TNFRSF10D: variants seen among roughly 807,000 people sequenced by gnomAD.
TNFRSF10D encodes TNF receptor superfamily member 10d.
In TNFRSF10D, 28 loss-of-function variants were observed where a neutral mutation model predicts 42.1. The ratio of observed to expected loss-of-function variants is 0.66; its 90% CI spans 0.49 to 0.91. The LOEUF (loss-of-function observed/expected upper bound fraction) is 0.91. Among genes scored for constraint, TNFRSF10D ranks in the 40% least tolerant of loss-of-function variants. The pLI is 0.00. For missense variants in TNFRSF10D, 503 were observed against 486.1 expected, an observed-to-expected ratio of 1.03 and a Z score of -0.33; for synonymous variants, 186 against 189.4, an observed-to-expected ratio of 0.98 and a Z score of 0.15.
intron 2 of TNFRSF10D, among the ~76,000 whole-genome samples, chr8:23,149,034 CA>C (rs764423058): frequency 1.3e-5 from 2 of 150,672 alleles, no homozygotes; most frequent in Non-Finnish European, 3.0e-5. Context: ...ACTAAAAATA[CA>C]AAAAATTAGC....
In TNFRSF10D at chr8:23,137,641, A is replaced by C. The variant is rs879252653; in HGVS notation, c.*229T>G. On this transcript the variant is annotated 3_prime_UTR_variant, in exon 9 of 9. Coordinates refer to ENST00000312584, the MANE Select transcript of TNFRSF10D (RefSeq NM_003840.5). ...TTAATACACAATCGTATAACTATGCAGCCAAGAATCTGATATAAATTTCTC... is the reference window on the plus strand; with the variant it reads ...TTAATACACAATCGTATAACTATGCCGCCAAGAATCTGATATAAATTTCTC... The C allele has an allele frequency of 3.0e-3, 1,511 of 509,114 alleles. No homozygotes were observed. The highest frequency in any genetic ancestry group is 0.019 in the African/African-American group (975 of 52,008). The allele number at this position is 509,114 out of a possible 1,614,324, so 31.5% of individuals were successfully genotyped here.
intron 7 of TNFRSF10D, among the ~76,000 whole-genome samples, chr8:23,142,758 GA>G (rs145528838): frequency 3.2e-3 from 482 of 152,056 alleles, no homozygotes; most frequent in African/African-American, 0.011. Flanking sequence ...AATAAAAAAT[GA>G]AAAAAAGTTT....
intron 3 of TNFRSF10D, among the ~76,000 whole-genome samples, chr8:23,147,909 A>G (rs1800146656): frequency 6.6e-6 from 1 of 151,472 alleles, no homozygotes; most frequent in Non-Finnish European, 1.5e-5. Flanking sequence ...AAAAATACAA[A>G]AAAAAATTAG....
rs1800415996 is a variant in TNFRSF10D, at chr8:23,164,009, A to G, written c.-74T>C. On this transcript the variant is annotated 5_prime_UTR_variant, in exon 1 of 9. Coordinates refer to ENST00000312584, the MANE Select transcript of TNFRSF10D (RefSeq NM_003840.5). ...GTCCCCGTAGTTTGTGCGCGTGCAA[A>G]GGTTCTCGCAGCTACACTGCCAGAA... The G allele has an allele frequency of 9.6e-6, 14 of 1,458,774 alleles. No individual in the cohort carries two copies. The South Asian group carries it at 2.0e-4, about 21-fold the overall frequency. The allele number at this position is 1,458,774 out of a possible 1,614,324, so 90.4% of individuals were successfully genotyped here. A position where few individuals can be genotyped will look rare whatever the true frequency, so the allele number is the denominator to read the frequency against.
At chr8:23,158,544 G>C (rs1800312493) in intron 1 of TNFRSF10D, among the ~76,000 whole-genome samples, 1 of 152,198 alleles carries the variant, frequency 6.6e-6, no homozygotes, top group African/African-American at 2.4e-5. Context: ...GTAGTGCTCA[G>C]TGGATTTACA....
At chr8:23,141,844 AG>A (rs1193959268) in intron 7 of TNFRSF10D, among the ~76,000 whole-genome samples, 1 of 152,260 alleles carries the variant, frequency 6.6e-6, no homozygotes, top group African/African-American at 2.4e-5. Flanking sequence ...ATGAAGAAAA[AG>A]GATCATTTAT....
chr8:23,137,716 T>A lies in TNFRSF10D; in HGVS notation c.*154A>T. ...TTCATAAAAATTACTCCAAGTGCGTTAACAAAGTTCTAGGACCATTGGTAA... is the reference window on the plus strand; with the variant it reads ...TTCATAAAAATTACTCCAAGTGCGTAAACAAAGTTCTAGGACCATTGGTAA... On this transcript the variant is annotated 3_prime_UTR_variant, in exon 9 of 9. Transcript: ENST00000312584. 1 of 982,322 alleles carries A rather than the reference T, an allele frequency of 1.0e-6. No individual in the cohort carries two copies. Among genetic ancestry groups the A allele is most frequent in the Non-Finnish European group, 1.5e-6 (1 of 686,910 alleles). 60.9% of individuals were successfully genotyped at this position (982,322 alleles called of 1,614,324 possible).
In TNFRSF10D at chr8:23,163,965, CAAAA is replaced by C; in HGVS notation, c.-34_-31del. 1 of 1,529,954 alleles carries C rather than the reference CAAAA, an allele frequency of 6.5e-7. No homozygotes were observed. The highest frequency in any genetic ancestry group is 8.8e-7 in the Non-Finnish European group (1 of 1,142,638). The allele number at this position is 1,529,954 out of a possible 1,614,324, so 94.8% of individuals were successfully genotyped here. A position where few individuals can be genotyped will look rare whatever the true frequency, so the allele number is the denominator to read the frequency against. ...AGGGAGGAGGGTGGATCGAAAGCGC[CAAAA>C]ATCAATCAGAAATCGTCCCCGTAGT... is the stretch of plus-strand genomic sequence containing the variant. On this transcript the variant is annotated 5_prime_UTR_variant, in exon 1 of 9. In the 5' UTR this introduces an upstream ATG that the reference lacks. Transcript: ENST00000312584.
chr8:23,163,786 C>T lies in TNFRSF10D; in HGVS notation c.150G>A (p.Pro50=), dbSNP rs749470179. 15 of 1,608,562 alleles carry T rather than the reference C, an allele frequency of 9.3e-6. No individual in the cohort carries two copies. In the Admixed American group the frequency reaches 1.4e-4, roughly 14 times the overall value. Residue 50 remains proline, a splice_region_variant and synonymous_variant, in exon 1 of 9, where the codon CCG becomes CCA. Transcript: ENST00000312584. ...GCCAGGGACCGCGGCGGAGACTCAC[C>T]GGCAGCAGAACCGCGACGATGAAGA... is the stretch of plus-strand genomic sequence containing the variant. ...FVVFIVAVLL[P]VRVDSATIPR...
Position 23,148,692 on chromosome 8 carries a change from T to C in TNFRSF10D, c.257-141A>G, listed in dbSNP as rs964223100. On this transcript the variant is annotated intron_variant, in intron 2 of 8. Transcript: ENST00000312584. The stretch of plus-strand genomic sequence containing the variant: ...TTCTTGGCTTGGTCTTGTCATCAAT[T>C]CTGCATCTATTACACTATTACATAC... The C allele has an allele frequency of 8.8e-6, 5 of 566,668 alleles. No homozygotes were observed. In the South Asian group the frequency reaches 1.0e-4, roughly 11 times the overall value. The allele number at this position is 566,668 out of a possible 1,614,324, so 35.1% of individuals were successfully genotyped here. A position where few individuals can be genotyped will look rare whatever the true frequency, so the allele number is the denominator to read the frequency against.
In TNFRSF10D at chr8:23,145,106, C is replaced by T. The variant is rs1244267172; in HGVS notation, c.737-17G>A. 3 of 1,614,050 alleles carry T rather than the reference C, an allele frequency of 1.9e-6. No individual in the cohort carries two copies. Among genetic ancestry groups the T allele is most frequent in the East Asian group, 2.2e-5 (1 of 44,882 alleles). On this transcript the variant is annotated splice_polypyrimidine_tract_variant and intron_variant, in intron 5 of 8. Transcript: ENST00000312584. Reference sequence around the variant, plus strand: ...CTCCACCACCTGGAAAAGAAGCAGTCTCCTGAGCAGGCGGGGAGGGGCCCA... The same window carrying T: ...CTCCACCACCTGGAAAAGAAGCAGTTTCCTGAGCAGGCGGGGAGGGGCCCA...
chr8:23,144,622 C>A lies in TNFRSF10D; in HGVS notation c.782G>T (p.Arg261Leu). Residue 261 changes from arginine to leucine, a missense_variant, in exon 7 of 9, where the codon CGG (arginine) becomes CTG (leucine). Arg to Leu is a moderately radical substitution (Grantham distance 102). Transcript: ENST00000312584. Reference sequence around the variant, plus strand: ...AGGAACTCGTGAAGGACATGAACGCCGCCGGAAAAGGACCTTGGGAAGACA... The same window carrying A: ...AGGAACTCGTGAAGGACATGAACGCAGCCGGAAAAGGACCTTGGGAAGACA... ...PERVHRVLFR[R>L]RSCPSRVPGA... The A allele has an allele frequency of 2.5e-6, 4 of 1,613,564 alleles. No individual in the cohort carries two copies. Among genetic ancestry groups the A allele is most frequent in the Non-Finnish European group, 3.4e-6 (4 of 1,179,684 alleles).
At position 23,144,386 on chromosome 8, in the gene TNFRSF10D, C is replaced by A. The variant is rs1039380943; in HGVS notation, c.954+64G>T. 3.2e-6 allele frequency: 5 copies of A among 1,544,260 alleles called. No individual in the cohort carries two copies. In the Admixed American group the frequency reaches 5.5e-5, roughly 17 times the overall value. ...AGGAAAGAGGAGGCACTGCCATGTC[C>A]CACTGTCTACAAAGTCCTGTGCAGG... On this transcript the variant is annotated intron_variant, in intron 7 of 8. Coordinates refer to ENST00000312584, the MANE Select transcript of TNFRSF10D (RefSeq NM_003840.5).
intron 2 of TNFRSF10D, among the ~76,000 whole-genome samples, chr8:23,150,425 G>C (rs868840729): frequency 2.6e-5 from 4 of 152,362 alleles, no homozygotes; most frequent in Middle Eastern, 3.4e-3. Flanking sequence ...GACAAAGCCA[G>C]TCTGTAAATA....
At chr8:23,161,442 G>A (rs1367136016) in intron 1 of TNFRSF10D, among the ~76,000 whole-genome samples, 1 of 152,256 alleles carries the variant, frequency 6.6e-6, no homozygotes, top group East Asian at 1.9e-4. Flanking sequence ...ACTGAGCTCA[G>A]CTCCAGGCTC....
In TNFRSF10D at chr8:23,163,834, G is replaced by A. The variant is rs1800411285; in HGVS notation, c.102C>T (p.Asp34=). 6.2e-7 allele frequency: 1 copy of A among 1,608,164 alleles called. No homozygotes were observed. The highest frequency in any genetic ancestry group is 1.1e-5 in the South Asian group (1 of 89,938). ...TASGTRPWLL[D]PKILKFVVFI... is the part of the protein sequence containing the mutation. ...AGACGACGAACTTAAGGATCTTGGG[G>A]TCCAGGAGCCATGGTCTGGTTCCCG... The change falls in exon 1 of 9, where the codon GAC becomes GAT. Residue 34 remains aspartate (D), a synonymous_variant. Transcript: ENST00000312584.
chr8:23,152,874 A>G (rs1800227909), intron 2 of TNFRSF10D, among the ~76,000 whole-genome samples: 1 of 152,230 alleles, frequency 6.6e-6, no homozygotes, highest in Admixed American at 6.5e-5. Flanking sequence ...ATAAATCTAA[A>G]ATGTGTATGG....
At chr8:23,160,503 G>A (rs543323603) in intron 1 of TNFRSF10D, among the ~76,000 whole-genome samples, 1 of 152,334 alleles carries the variant, frequency 6.6e-6, no homozygotes, top group South Asian at 2.1e-4. Context: ...GGACAAAAAT[G>A]CTGGAGACAT....
At chr8:23,143,505 G>C (rs1236349905) in intron 7 of TNFRSF10D, among the ~76,000 whole-genome samples, 1 of 152,024 alleles carries the variant, frequency 6.6e-6, no homozygotes, top group Non-Finnish European at 1.5e-5. Flanking sequence ...CAGCAGCGTG[G>C]AGTAATTGTT....
Sources: allele counts gnomAD v4.1 joint callset (sites outside exome capture counted in the v4.1 genomes callset), GRCh38; gene constraint gnomAD v4.1.1; transcripts MANE v1.5; gene names NCBI Gene and HGNC (gene_info 2026-07-23, HGNC 2026-07-21).